The following AGBL4 variants were observed in gnomAD, a reference collection of about 807,000 sequenced individuals.
The protein encoded by AGBL4 is AGBL carboxypeptidase 4, also known as cytosolic carboxypeptidase 6.
Under a neutral mutation model 66.4 loss-of-function variants are expected in AGBL4, and 58 were observed. The observed-to-expected ratio is 0.87, with a 90% CI of 0.71 to 1.09. The LOEUF (loss-of-function observed/expected upper bound fraction) is 1.09, where lower values mean the gene tolerates loss of function less well. Among genes scored for constraint, AGBL4 ranks in the 50% least tolerant of loss-of-function variants. The pLI is 0.00. For synonymous variants in AGBL4, 234 were observed against 222.9 expected (o/e 1.05, Z -0.44); for missense variants, 579 against 631.0 (o/e 0.92, Z 0.88).
chr1:49,984,189 A>C (rs1659313385), intron 1 of AGBL4, among the ~76,000 whole-genome samples: 1 of 152,236 alleles, frequency 6.6e-6, no homozygotes, highest in East Asian at 1.9e-4. Context: ...TGAGATAAGC[A>C]ATATTAAAAC....
intron 6 of AGBL4, among the ~76,000 whole-genome samples, chr1:48,743,183 C>G (rs1444031499): frequency 1.3e-5 from 2 of 152,192 alleles, no homozygotes; most frequent in South Asian, 2.1e-4. Context: ...AAGGCCGTAA[C>G]AGAAGAAGGG....
intron 1 of AGBL4, among the ~76,000 whole-genome samples, chr1:50,023,135 G>T (rs972505687): frequency 1.3e-5 from 2 of 152,102 alleles, no homozygotes; most frequent in African/African-American, 4.8e-5. Context: ...GGCTCCTAAA[G>T]GACTGGGGCT....
chr1:49,918,285 A>G (rs1460102840), intron 1 of AGBL4, among the ~76,000 whole-genome samples: 1 of 152,232 alleles, frequency 6.6e-6, no homozygotes. Context: ...CAAAAAATTA[A>G]TGAATCCAGG....
chr1:48,759,424 T>C (rs747457186), intron 6 of AGBL4: 35 of 1,339,122 alleles, frequency 2.6e-5, no homozygotes, highest in Non-Finnish European at 3.3e-5. Context: ...AAACACTTAG[T>C]CAAAGCCCTT....
At chr1:49,840,680 C>T (rs192331774) in intron 2 of AGBL4, among the ~76,000 whole-genome samples, 1 of 152,272 alleles carries the variant, frequency 6.6e-6, no homozygotes, top group African/African-American at 2.4e-5. Flanking sequence ...CACAATCAAG[C>T]AGGCTTTATT....
chr1:49,919,367 G>T (rs896346671), intron 1 of AGBL4, among the ~76,000 whole-genome samples: 16 of 152,296 alleles, frequency 1.1e-4, no homozygotes, highest in African/African-American at 3.6e-4. Context: ...TCCTTAAGCT[G>T]ATAAGCAACT....
chr1:48,789,837 A>G (rs1386918689), intron 6 of AGBL4, among the ~76,000 whole-genome samples: 3 of 152,196 alleles, frequency 2.0e-5, no homozygotes, highest in Non-Finnish European at 4.4e-5. Context: ...TGTCTTTCCC[A>G]AGCCAACCCG....
intron 3 of AGBL4, among the ~76,000 whole-genome samples, chr1:49,324,001 C>T (rs966396288): frequency 1.4e-4 from 21 of 152,106 alleles, no homozygotes; most frequent in African/African-American, 1.7e-4. Flanking sequence ...ACATCTATAT[C>T]CCCAATAACT....
chr1:48,762,747 C>T (rs976411044), intron 6 of AGBL4, among the ~76,000 whole-genome samples: 1 of 151,854 alleles, frequency 6.6e-6, no homozygotes, highest in African/African-American at 2.4e-5. Flanking sequence ...GAGAATGCAG[C>T]TTATAAGCAC....
chr1:48,786,532 G>T (rs1452032294), intron 6 of AGBL4, among the ~76,000 whole-genome samples: 1 of 152,174 alleles, frequency 6.6e-6, no homozygotes, highest in African/African-American at 2.4e-5. Context: ...CTAGAAACCT[G>T]AGAATTAGAC....
chr1:49,491,329 C>G (rs1316887707), intron 3 of AGBL4, among the ~76,000 whole-genome samples: 2 of 151,782 alleles, frequency 1.3e-5, no homozygotes, highest in Admixed American at 6.6e-5. Flanking sequence ...GGTCACCCTT[C>G]TAGCCTACCC....
At chr1:48,802,385 C>T (rs1645830046) in intron 6 of AGBL4, among the ~76,000 whole-genome samples, 1 of 152,062 alleles carries the variant, frequency 6.6e-6, no homozygotes, top group South Asian at 2.1e-4. Flanking sequence ...CCCATCATGT[C>T]ATTTAGAATC....
intron 3 of AGBL4, among the ~76,000 whole-genome samples, chr1:49,511,623 TA>T (rs1025287105): frequency 6.6e-6 from 1 of 151,068 alleles, no homozygotes; most frequent in African/African-American, 2.4e-5. Context: ...AATTTTTTTT[TA>T]AAAAAATTGA....
intron 3 of AGBL4, among the ~76,000 whole-genome samples, chr1:49,582,052 C>T (rs1644552336): frequency 6.6e-6 from 1 of 152,140 alleles, no homozygotes; most frequent in African/African-American, 2.4e-5. Context: ...GATGAGGTAG[C>T]AGCAGGGTGT....
chr1:49,466,246 T>C (rs1415397834), intron 3 of AGBL4, among the ~76,000 whole-genome samples: 2 of 151,942 alleles, frequency 1.3e-5, no homozygotes, highest in African/African-American at 4.8e-5. Context: ...TTTTATAGAA[T>C]TTGGGTTCCC....
intron 6 of AGBL4, chr1:48,761,229 T>C (rs1443017533): frequency 8.3e-6 from 10 of 1,201,350 alleles, no homozygotes; most frequent in Non-Finnish European, 1.1e-5. Flanking sequence ...TAGCCTGTGA[T>C]ACCAGGGGAC....
chr1:49,617,491 T>C (rs764670899), intron 3 of AGBL4, among the ~76,000 whole-genome samples: 8 of 152,250 alleles, frequency 5.3e-5, no homozygotes, highest in Non-Finnish European at 8.8e-5. Flanking sequence ...CCCACTAGAA[T>C]GTAAACTCCA....
intron 4 of AGBL4, among the ~76,000 whole-genome samples, chr1:49,090,146 A>G (rs777824423): frequency 1.3e-5 from 2 of 152,298 alleles, no homozygotes; most frequent in South Asian, 4.1e-4. Context: ...AATGGGTAAA[A>G]GCTGGAAGCA....
chr1:48,575,401 C>T (rs1295154180), intron 11 of AGBL4, among the ~76,000 whole-genome samples: 1 of 152,146 alleles, frequency 6.6e-6, no homozygotes. Flanking sequence ...TGGTGAGGTG[C>T]TGTGGCATTT....
Sources: allele counts gnomAD v4.1 joint callset (sites outside exome capture counted in the v4.1 genomes callset), GRCh38; gene constraint gnomAD v4.1.1; transcripts MANE v1.5; gene names NCBI Gene and HGNC (gene_info 2026-07-23, HGNC 2026-07-21).